The following SPATS2L variants were observed in gnomAD, a reference collection of about 807,000 sequenced individuals.
SPATS2L encodes SPATS2-like protein.
A neutral mutation model predicts 59.6 loss-of-function variants in SPATS2L; 30 were observed. That is an observed-to-expected ratio of 0.50 (90% CI 0.38 to 0.68). The LOEUF is 0.68. Among genes scored for constraint, SPATS2L ranks in the 30% least tolerant of loss-of-function variants. SPATS2L has a pLI of 0.00. For missense variants in SPATS2L, 615 were observed against 700.0 expected (o/e 0.88, Z 1.37); for synonymous variants, 252 against 263.5 (o/e 0.96, Z 0.42).
intron 3 of SPATS2L, among the ~76,000 whole-genome samples, chr2:200,412,063 TG>T (rs1646830950): frequency 6.6e-6 from 1 of 152,106 alleles, no homozygotes; most frequent in African/African-American, 2.4e-5. Flanking sequence ...TTTTCACACA[TG>T]CTCCTACACT....
chr2:200,315,624 A>G (rs1025173830), intron 1 of SPATS2L, among the ~76,000 whole-genome samples: 2 of 152,152 alleles, frequency 1.3e-5, no homozygotes, highest in Admixed American at 6.5e-5. Context: ...TATGCACACC[A>G]TACAGTCATA....
intron 2 of SPATS2L, among the ~76,000 whole-genome samples, chr2:200,360,967 C>CTGTGTGTGTGTGTG (rs145080452): frequency 2.5e-4 from 35 of 140,422 alleles, no homozygotes; most frequent in East Asian, 1.5e-3. Flanking sequence ...CAGAACAGGG[C>CTGTGTGTGTGTGTG]TGTGTGTGTG....
At chr2:200,330,926 C>G (rs939972203) in intron 2 of SPATS2L, among the ~76,000 whole-genome samples, 1 of 152,212 alleles carries the variant, frequency 6.6e-6, no homozygotes, top group African/African-American at 2.4e-5. Context: ...ATTAGACATC[C>G]CTTCTGTAAC....
chr2:200,429,032 G>A lies in SPATS2L; in HGVS notation c.445+9536G>A, dbSNP rs551455787. Reference sequence around the variant, plus strand: ...TCAAAACACAAATCTGACCTCTTACGATAAAGACAAGAAGACTTACCCTGT... The same window carrying A: ...TCAAAACACAAATCTGACCTCTTACAATAAAGACAAGAAGACTTACCCTGT... On this transcript the variant is annotated intron_variant, in intron 6 of 12. Coordinates refer to ENST00000409140, the MANE Select transcript of SPATS2L (RefSeq NM_001100423.2). Among the ~76,000 whole-genome samples the A allele has an allele frequency of 2.4e-4, 37 of 152,156 alleles. 1 individual carries two copies. Among genetic ancestry groups the A allele is most frequent in the African/African-American group, 7.2e-4 (30 of 41,496 alleles).
intron 9 of SPATS2L, among the ~76,000 whole-genome samples, chr2:200,466,664 C>T (rs1385868591): frequency 6.6e-6 from 1 of 152,194 alleles, no homozygotes; most frequent in Non-Finnish European, 1.5e-5. Context: ...CCACTGGGGA[C>T]ACTTATAGAA....
intron 2 of SPATS2L, among the ~76,000 whole-genome samples, chr2:200,368,197 C>G (rs2105885637): frequency 6.6e-6 from 1 of 152,248 alleles, no homozygotes; most frequent in Middle Eastern, 3.4e-3. Flanking sequence ...AAGATGCATA[C>G]TTGGTGAAGT....
chr2:200,406,486 A>G (rs887404679), intron 3 of SPATS2L, among the ~76,000 whole-genome samples: 2 of 151,818 alleles, frequency 1.3e-5, no homozygotes, highest in African/African-American at 4.8e-5. Context: ...AAGTTAAAGG[A>G]GCAGGAAGGA....
chr2:200,377,479 A>C (rs2105902983), intron 2 of SPATS2L, among the ~76,000 whole-genome samples: 1 of 152,222 alleles, frequency 6.6e-6, no homozygotes, highest in African/African-American at 2.4e-5. Flanking sequence ...TCTGAGAGGG[A>C]AGTGAGCCTT....
chr2:200,477,823 AAG>A lies in SPATS2L; in HGVS notation c.1472_1473del (p.Glu491GlyfsTer15), dbSNP rs1559172450. ...AAAAACAAAGGCGGTGCCAAAAATC[AAG>A]AGGCTTCCTTGGGGATGAAGACCCC... On this transcript the variant is annotated frameshift_variant, in exon 13 of 13. Transcript: ENST00000409140. LOFTEE classifies it high-confidence loss of function. 1 of 1,577,744 alleles carries A rather than the reference AAG, an allele frequency of 6.3e-7. No individual in the cohort carries two copies.
chr2:200,362,029 C>T lies in SPATS2L; in HGVS notation c.-22-27194C>T, dbSNP rs577540146. Among the ~76,000 whole-genome samples the T allele has an allele frequency of 4.6e-5, 7 of 152,052 alleles. No individual in the cohort carries two copies. In the East Asian group the frequency reaches 7.7e-4, roughly 17 times the overall value. On this transcript the variant is annotated intron_variant, in intron 2 of 12. Transcript: ENST00000409140. The stretch of plus-strand genomic sequence containing the variant: ...GCCAAGGCAGGAAGATCTTCGAGCC[C>T]GGGAGTTCAAGACCAGCCTGGGCAA...
chr2:200,413,364 G>T (rs545134012), intron 4 of SPATS2L, among the ~76,000 whole-genome samples: 18 of 152,298 alleles, frequency 1.2e-4, no homozygotes, highest in African/African-American at 4.3e-4. Flanking sequence ...TGCCAGAGAT[G>T]TTATAAAATC....
chr2:200,358,220 G>A (rs1422847021), intron 2 of SPATS2L, among the ~76,000 whole-genome samples: 1 of 152,184 alleles, frequency 6.6e-6, no homozygotes, highest in Non-Finnish European at 1.5e-5. Context: ...CATCTTAGGA[G>A]ACCATTTTCA....
chr2:200,330,024 C>T (rs1383519743), intron 2 of SPATS2L, among the ~76,000 whole-genome samples: 1 of 152,182 alleles, frequency 6.6e-6, no homozygotes. Flanking sequence ...GCCAGACAGC[C>T]TGGCTCTGCA....
intron 8 of SPATS2L, among the ~76,000 whole-genome samples, chr2:200,443,763 C>T (rs893357): frequency 0.87 from 132,179 of 152,164 alleles, 58,297 homozygotes; most frequent in Non-Finnish European, 0.94. Flanking sequence ...CTGGAATTCA[C>T]GAGAATGATG....
At chr2:200,419,619 T>C in intron 6 of SPATS2L, 123 bp downstream of exon 6, 3 of 1,123,592 alleles carry the variant, frequency 2.7e-6, no homozygotes, top group Admixed American at 2.5e-5. Context: ...GTGTGTACGA[T>C]TCAGCCTTCC....
intron 2 of SPATS2L, among the ~76,000 whole-genome samples, chr2:200,343,047 G>C (rs955809530): frequency 2.0e-5 from 3 of 152,176 alleles, no homozygotes; most frequent in Admixed American, 6.5e-5. Flanking sequence ...CTAAACTTCA[G>C]ATGTAATTTT....
At chr2:200,426,704 G>A (rs1050956225) in intron 6 of SPATS2L, among the ~76,000 whole-genome samples, 7 of 152,134 alleles carry the variant, frequency 4.6e-5, no homozygotes, top group Admixed American at 6.5e-5. Flanking sequence ...CCCAGCCTGC[G>A]CAATGAAGCA....
intron 3 of SPATS2L, 73 bp from the exon 4 acceptor site, chr2:200,412,238 A>G: frequency 1.1e-6 from 1 of 870,476 alleles, no homozygotes; most frequent in South Asian, 2.2e-5. Flanking sequence ...AATTCTATCC[A>G]GTGGGCAATT....
intron 5 of SPATS2L, among the ~76,000 whole-genome samples, chr2:200,418,021 A>T (rs980243833): frequency 6.6e-6 from 1 of 152,174 alleles, no homozygotes; most frequent in African/African-American, 2.4e-5. Context: ...AATTTTCTTG[A>T]TATTCTCATG....
Sources: allele counts gnomAD v4.1 joint callset (sites outside exome capture counted in the v4.1 genomes callset), GRCh38; gene constraint gnomAD v4.1.1; transcripts MANE v1.5; gene names NCBI Gene and HGNC (gene_info 2026-07-23, HGNC 2026-07-21).